Variants in LOXHD1 observed in about 807,000 individuals in gnomAD.
LOXHD1 encodes the protein lipoxygenase homology domain-containing protein 1.
Under a neutral mutation model 248.2 loss-of-function variants are expected in LOXHD1, and 205 were observed. The ratio of observed to expected loss-of-function variants is 0.83; its 90% CI spans 0.74 to 0.93. LOXHD1 has a LOEUF of 0.93. LOXHD1 is among the 40% of genes least tolerant of loss of function. The probability of loss-of-function intolerance (pLI) is 0.00; values close to 1 mark genes in which losing one functional copy is unlikely to be tolerated. For synonymous variants in LOXHD1, 1,113 were observed against 1,162.8 expected, an observed-to-expected ratio of 0.96 and a Z score of 0.87; for missense variants, 2,930 against 2,971.6, an observed-to-expected ratio of 0.99 and a Z score of 0.33.
chr18:46,602,069 G>C (rs570426342), intron 7 of LOXHD1, among the ~76,000 whole-genome samples: 13 of 152,316 alleles, frequency 8.5e-5, no homozygotes, highest in Admixed American at 4.6e-4. Flanking sequence ...GCAATATGAG[G>C]ACATGGAATT....
At chr18:46,545,730 C>T (rs9962885) in intron 22 of LOXHD1, among the ~76,000 whole-genome samples, 65,875 of 143,478 alleles carry the variant, frequency 0.46, 15,818 homozygotes, top group Non-Finnish European at 0.55. Flanking sequence ...CCCGGGTTCA[C>T]GCCATTCTCC....
At chr18:46,536,484 C>A (rs1306439641) in intron 26 of LOXHD1, among the ~76,000 whole-genome samples, 1 of 152,114 alleles carries the variant, frequency 6.6e-6, no homozygotes, top group African/African-American at 2.4e-5. Context: ...TCACACTCCC[C>A]CCAAATCCAG....
chr18:46,601,141 G>A lies in LOXHD1; in HGVS notation c.1134+76C>T. ...AACTAGTTCAGAGAAGTAGCATTCA[G>A]GTTAAAGTTTGTACTTGCAAGTTAA... On this transcript the variant is annotated intron_variant, in intron 8 of 40. Coordinates refer to ENST00000642948, the MANE Select transcript of LOXHD1 (RefSeq NM_001384474.1). 15 of 1,490,900 alleles carry A rather than the reference G, an allele frequency of 1.0e-5. 1 individual carries two copies. The South Asian group carries it at 1.9e-4, about 19-fold the overall frequency. The allele number at this position is 1,490,900 out of a possible 1,614,324, so 92.4% of individuals were successfully genotyped here. A position where few individuals can be genotyped will look rare whatever the true frequency, so the allele number is the denominator to read the frequency against.
At chr18:46,553,463 CAG>C (rs1491298100) in intron 21 of LOXHD1, among the ~76,000 whole-genome samples, 1 of 152,218 alleles carries the variant, frequency 6.6e-6, no homozygotes, top group East Asian at 1.9e-4. Flanking sequence ...TCTTCAAAAA[CAG>C]AGTCATAACT....
intron 33 of LOXHD1, chr18:46,518,995 G>A (rs1202276052): frequency 3.0e-6 from 3 of 985,350 alleles, no homozygotes; most frequent in Non-Finnish European, 3.6e-6. Context: ...GAGAATGTCT[G>A]CCCTCTGTCT....
intron 4 of LOXHD1, among the ~76,000 whole-genome samples, chr18:46,637,506 G>A (rs112450175): frequency 1.3e-5 from 2 of 152,254 alleles, no homozygotes; most frequent in African/African-American, 4.8e-5. Flanking sequence ...CATAGTAGAG[G>A]TTGGATAAAG....
chr18:46,527,850 CAT>C (rs1329476945), intron 29 of LOXHD1, among the ~76,000 whole-genome samples: 2 of 152,206 alleles, frequency 1.3e-5, no homozygotes, highest in African/African-American at 4.8e-5. Flanking sequence ...AATTAGCAAT[CAT>C]ATTACTATTC....
intron 18 of LOXHD1, among the ~76,000 whole-genome samples, chr18:46,562,784 C>A (rs1345516899): frequency 6.6e-6 from 1 of 152,196 alleles, no homozygotes; most frequent in South Asian, 2.1e-4. Context: ...CCCAGAGGTT[C>A]TGATTTGCCT....
chr18:46,591,625 C>T (rs1239722231), intron 12 of LOXHD1, among the ~76,000 whole-genome samples: 1 of 152,024 alleles, frequency 6.6e-6, no homozygotes, highest in Non-Finnish European at 1.5e-5. Context: ...GAGGATATTT[C>T]CTTTCAAGGA....
rs2038617850 is a variant in LOXHD1, at chr18:46,618,264, T to C, written c.538A>G (p.Thr180Ala). ...GTCCCTGCACCAATTACATCACCAG[T>C]GTATACCTTGACTTCATACTTATTA... ...RGNKYEVKVYTGDVIGAGTDA... is the reference protein window; with the variant it reads ...RGNKYEVKVYAGDVIGAGTDA... Residue 180 changes from threonine to alanine, a missense_variant, in exon 5 of 41, where the codon ACT becomes GCT. Transcript: ENST00000642948. 1.3e-6 allele frequency: 2 copies of C among 1,551,188 alleles called. No individual in the cohort carries two copies. The highest frequency in any genetic ancestry group is 2.0e-5 in the Admixed American group (1 of 50,982).
At chr18:46,494,174 G>A (rs1882516410) in intron 37 of LOXHD1, among the ~76,000 whole-genome samples, 1 of 152,118 alleles carries the variant, frequency 6.6e-6, no homozygotes, top group Non-Finnish European at 1.5e-5. Context: ...TCATGACTAT[G>A]CACTAACTTT....
chr18:46,528,836 G>A (rs2035935768), intron 29 of LOXHD1, among the ~76,000 whole-genome samples: 1 of 152,180 alleles, frequency 6.6e-6, no homozygotes, highest in Non-Finnish European at 1.5e-5. Context: ...ATTCTGCAGT[G>A]TTCACCTCCA....
At chr18:46,598,256 A>T (rs2038287785) in intron 8 of LOXHD1, among the ~76,000 whole-genome samples, 1 of 152,168 alleles carries the variant, frequency 6.6e-6, no homozygotes, top group African/African-American at 2.4e-5. Context: ...ATTAGATAAA[A>T]TTTAACACCA....
chr18:46,503,816 G>C (rs2034389994), intron 37 of LOXHD1, among the ~76,000 whole-genome samples: 1 of 152,146 alleles, frequency 6.6e-6, no homozygotes, highest in South Asian at 2.1e-4. Context: ...GTAGCAAACA[G>C]AGATAAAGAG....
intron 12 of LOXHD1, among the ~76,000 whole-genome samples, chr18:46,580,963 G>C (rs1380741847): frequency 6.6e-6 from 1 of 152,156 alleles, no homozygotes; most frequent in Non-Finnish European, 1.5e-5. Flanking sequence ...GACAGGAGCT[G>C]GATACATGGG....
At chr18:46,507,875 G>C (rs1025611487) in intron 35 of LOXHD1, among the ~76,000 whole-genome samples, 163 bp from the exon 36 acceptor site, 1 of 152,168 alleles carries the variant, frequency 6.6e-6, no homozygotes, top group African/African-American at 2.4e-5. Flanking sequence ...GCCCTTTCCA[G>C]GACAAAGGCC....
intron 22 of LOXHD1, among the ~76,000 whole-genome samples, chr18:46,546,262 G>GAC (rs1478615783): frequency 6.0e-5 from 9 of 150,824 alleles, no homozygotes; most frequent in Non-Finnish European, 1.3e-4. Context: ...TGAATCAGAA[G>GAC]TGGCTACACT....
intron 38 of LOXHD1, among the ~76,000 whole-genome samples, chr18:46,488,393 A>C (rs543320971): frequency 1.1e-4 from 17 of 152,344 alleles, no homozygotes; most frequent in Non-Finnish European, 1.8e-4. Flanking sequence ...CTTAATAACT[A>C]AGATTGGAAA....
Position 46,641,990 on chromosome 18 carries a change from T to C in LOXHD1, c.292A>G (p.Arg98Gly). 6.4e-7 allele frequency: 1 copy of C among 1,552,362 alleles called. No individual in the cohort carries two copies. The highest frequency in any genetic ancestry group is 8.7e-7 in the Non-Finnish European group (1 of 1,147,114). ...EKGNVDVFRV[R>G]TNNVGLIYKV... ...TAGATGAGGCCCACATTGTTGGTTCTCACCCGGAACACATCGACGTTGCCC... is the reference window on the plus strand; with the variant it reads ...TAGATGAGGCCCACATTGTTGGTTCCCACCCGGAACACATCGACGTTGCCC... The change falls in exon 3 of 41, where the codon AGA (arginine) becomes GGA (glycine). Residue 98 changes from arginine (R) to glycine (G), a missense_variant. By Grantham distance (125) the Arg-to-Gly change is moderately radical (BLOSUM62 -2). Transcript: ENST00000642948.
Sources: allele counts gnomAD v4.1 joint callset (sites outside exome capture counted in the v4.1 genomes callset), GRCh38; gene constraint gnomAD v4.1.1; transcripts MANE v1.5; gene names NCBI Gene and HGNC (gene_info 2026-07-23, HGNC 2026-07-21).